Variants in TMEM150B observed in about 807,000 individuals in gnomAD.
The protein encoded by TMEM150B is modulator of macroautophagy TMEM150B.
Under a neutral mutation model 25.2 loss-of-function variants are expected in TMEM150B, and 33 were observed. The ratio of observed to expected loss-of-function variants is 1.31; its 90% CI spans 0.99 to 1.75. TMEM150B has a LOEUF of 1.75. Ranked by LOEUF, TMEM150B falls within the 40% of genes most tolerant of loss-of-function variation. The pLI is 0.00. For missense variants in TMEM150B, 322 were observed against 306.1 expected (o/e 1.05, Z -0.39); for synonymous variants, 133 against 134.8 (o/e 0.99, Z 0.09).
At chr19:55,311,857 G>A (rs2088805288), downstream of TMEM150B, 1 of 1,585,354 alleles carries the variant, frequency 6.3e-7, no homozygotes, top group South Asian at 1.1e-5. Context: ...CCTGGTAATG[G>A]GAACCCCAAC....
intron 6 of TMEM150B, chr19:55,319,800 T>C (rs1040098980): frequency 1.6e-5 from 22 of 1,341,188 alleles, no homozygotes; most frequent in Non-Finnish European, 2.0e-5. Context: ...CAGAAAATTA[T>C]CCCAACGTCC....
rs765416606 is a variant in TMEM150B, at chr19:55,316,886, G to T, written c.405C>A (p.Leu135=). The T allele has an allele frequency of 5.0e-6, 8 of 1,604,822 alleles. No individual in the cohort carries two copies. The Admixed American group carries it at 8.7e-5, about 17-fold the overall frequency. ...GCAGCCTCTTCAGCCTCCACAGGAG[G>T]AGCTGCAGCCAGAAGTAGACGTTAC... ...ILGNVYFWLQ[L]LLWRLKRLPQ... is the part of the protein sequence containing the mutation. Residue 135 remains leucine (L), a synonymous_variant, in exon 7 of 8, where the codon CTC becomes CTA. Transcript: ENST00000326652.
chr19:55,316,842 C>T lies in TMEM150B; in HGVS notation c.449G>A (p.Trp150Ter). The T allele has an allele frequency of 6.3e-7, 1 of 1,586,378 alleles. No individual in the cohort carries two copies. The highest frequency in any genetic ancestry group is 8.5e-7 in the Non-Finnish European group (1 of 1,170,594). The change falls in exon 7 of 8, where the codon TGG becomes TAG. Residue 150 changes from tryptophan to a stop codon, truncating the protein, a stop_gained. Coordinates refer to ENST00000326652, the MANE Select transcript of TMEM150B (RefSeq NM_001282011.2). LOFTEE classifies it high-confidence loss of function. ...LKRLPQPGAAWIGPLRLGLCS... is the reference protein window; with the variant it reads ...LKRLPQPGAA Reference sequence around the variant, plus strand: ...GAGGCCCAGGCGGAGGGGCCCAATCCAGGCAGCCCCGGGCTGGGGCAGCCT... The same window carrying T: ...GAGGCCCAGGCGGAGGGGCCCAATCTAGGCAGCCCCGGGCTGGGGCAGCCT...
chr19:55,310,609 CAG>C (rs982238517), downstream of TMEM150B, among the ~76,000 whole-genome samples: 20 of 152,264 alleles, frequency 1.3e-4, no homozygotes, highest in South Asian at 4.1e-4. The surrounding 1 kb of genome is among the most constrained non-coding windows in gnomAD (Gnocchi z 5.0). Context: ...CTGGGGAAAA[CAG>C]GGGGATGCCA....
chr19:55,316,701 AT>A (rs2089011934), intron 7 of TMEM150B, 84 bp downstream of exon 7: 1 of 1,278,592 alleles, frequency 7.8e-7, no homozygotes, highest in Admixed American at 3.8e-5. Context: ...AGGAAGAGAC[AT>A]CCCCAGTGAC....
At chr19:55,322,483 G>C (rs1269376641) in intron 2 of TMEM150B, among the ~76,000 whole-genome samples, 165 bp downstream of exon 2, 3 of 152,030 alleles carry the variant, frequency 2.0e-5, no homozygotes, top group African/African-American at 7.2e-5. Context: ...CGTCACGGGT[G>C]GGGGTCTGAT....
chr19:55,310,902 A>C (rs922562815), downstream of TMEM150B, among the ~76,000 whole-genome samples: 1 of 151,924 alleles, frequency 6.6e-6, no homozygotes, highest in African/African-American at 2.4e-5. The surrounding 1 kb of genome is among the most constrained non-coding windows in gnomAD (Gnocchi z 5.0). Context: ...CATAAAGGAG[A>C]ATGGGGTGGG....
At chr19:55,311,254 G>A (rs1342879326), downstream of TMEM150B, among the ~76,000 whole-genome samples, 2 of 152,090 alleles carry the variant, frequency 1.3e-5, no homozygotes, top group African/African-American at 2.4e-5. Context: ...GAGCCACTGC[G>A]CCCGGCCCAC....
intron 7 of TMEM150B, 119 bp from the exon 8 acceptor site, chr19:55,313,174 C>T: frequency 9.5e-7 from 1 of 1,054,478 alleles, no homozygotes; most frequent in Non-Finnish European, 1.3e-6. Flanking sequence ...CAGCTCTCCC[C>T]TTCCCCCGTA....
In TMEM150B at chr19:55,316,907, G is replaced by A. The variant is rs375066257; in HGVS notation, c.384C>T (p.Asn128=). 1.9e-4 allele frequency: 301 copies of A among 1,607,554 alleles called. 1 individual carries two copies. The East Asian group carries it at 3.4e-3, about 18-fold the overall frequency. Residue 128 remains asparagine, a synonymous_variant, in exon 7 of 8, where the codon AAC becomes AAT. Transcript: ENST00000326652. The part of the protein sequence containing the change: ...AGAFLAFILG[N]VYFWLQLLLW... ...GGAGGAGCTGCAGCCAGAAGTAGACGTTACCCAAGATGAAGGCAAGGAAGG... is the reference window on the plus strand; with the variant it reads ...GGAGGAGCTGCAGCCAGAAGTAGACATTACCCAAGATGAAGGCAAGGAAGG...
rs745432894 is a variant in TMEM150B, at chr19:55,320,582, A to T, written c.104T>A (p.Leu35His). 1 of 1,613,682 alleles carries T rather than the reference A, an allele frequency of 6.2e-7. No individual in the cohort carries two copies. Among genetic ancestry groups the T allele is most frequent in the Non-Finnish European group, 8.5e-7 (1 of 1,179,920 alleles). ...AIAVTNRTVDLSKGFPYISIC... is the reference protein window; with the variant it reads ...AIAVTNRTVDHSKGFPYISIC... ...CCTGATGTAGGGAAAGCCTTTACTG[A>T]GGTCCACAGTCCTGTTGGTCACTGC... is the stretch of plus-strand genomic sequence containing the variant. Residue 35 changes from leucine to histidine, a missense_variant, in exon 4 of 8, where the codon CTC becomes CAC. By Grantham distance (99) the Leu-to-His change is moderately conservative (BLOSUM62 -3). Coordinates refer to ENST00000326652, the MANE Select transcript of TMEM150B (RefSeq NM_001282011.2).
rs759586403 is a variant in TMEM150B at position 55,316,775 on chromosome 19, A to G, written c.505+11T>C. The G allele has an allele frequency of 1.1e-5, 16 of 1,496,036 alleles. 1 individual carries two copies. The South Asian group carries it at 2.2e-4, about 21-fold the overall frequency. 92.7% of individuals were successfully genotyped at this position (1,496,036 alleles called of 1,614,324 possible). A position where few individuals can be genotyped will look rare whatever the true frequency, so the allele number is the denominator to read the frequency against. Reference sequence around the variant, plus strand: ...CACCTCCAAGCCCTACCCCGGATACAAGAAGGATACTGGCCACAATGAGGA... The same window carrying G: ...CACCTCCAAGCCCTACCCCGGATACGAGAAGGATACTGGCCACAATGAGGA... On this transcript the variant is annotated intron_variant, in intron 7 of 7. Transcript: ENST00000326652.
At chr19:55,320,854 T>A (rs1398993762) in intron 3 of TMEM150B, 115 bp downstream of exon 3, 3 of 1,179,222 alleles carry the variant, frequency 2.5e-6, no homozygotes, top group Admixed American at 3.2e-5. Flanking sequence ...CAGCTCCTCC[T>A]CCCTCAGATC....
In TMEM150B at chr19:55,316,936, C is replaced by A; in HGVS notation, c.355G>T (p.Gly119Trp). 6.2e-7 allele frequency: 1 copy of A among 1,605,666 alleles called. No homozygotes were observed. Residue 119 changes from glycine to tryptophan, a missense_variant, in exon 7 of 8, where the codon GGG becomes TGG. Gly to Trp is a radical substitution (Grantham distance 184). Coordinates refer to ENST00000326652, the MANE Select transcript of TMEM150B (RefSeq NM_001282011.2). Reference protein sequence around the residue: ...EKNQRPTHLAGAFLAFILGNV... With the variant: ...EKNQRPTHLAWAFLAFILGNV... ...CCCAAGATGAAGGCAAGGAAGGCCC[C>A]TGCCAAGTGCGTAGGCCGCTGGTTC... is the stretch of plus-strand genomic sequence containing the variant.
downstream of TMEM150B, chr19:55,311,966 G>A: frequency 6.2e-7 from 1 of 1,601,028 alleles, no homozygotes. Context: ...GAAGCCTGCA[G>A]CCCCCACCCG....
chr19:55,325,060 A>G lies in TMEM150B; in HGVS notation c.-154+212T>C, dbSNP rs578092977. On this transcript the variant is annotated intron_variant, in intron 1 of 7. Transcript: ENST00000326652. ...ACTTCTCTTCCAAAAACATAATAAT[A>G]ATAAAGACGAGAAAGCCCAGGTGAT... 2.0e-5 allele frequency among the ~76,000 whole-genome samples: 3 copies of G among 152,266 alleles called. No individual in the cohort carries two copies. The South Asian group carries it at 6.2e-4, about 32-fold the overall frequency.
In TMEM150B at chr19:55,320,472, A is replaced by T. The variant is rs1247757594; in HGVS notation, c.129-14T>A. 1 of 1,599,682 alleles carries T rather than the reference A, an allele frequency of 6.3e-7. No individual in the cohort carries two copies. The highest frequency in any genetic ancestry group is 8.5e-7 in the Non-Finnish European group (1 of 1,172,100). ...GATCCGCAGATGCTGGGGAAGACAA[A>T]GGGGTCATCCTGGGCAATCCAAGCT... On this transcript the variant is annotated splice_polypyrimidine_tract_variant and intron_variant, in intron 4 of 7. Coordinates refer to ENST00000326652, the MANE Select transcript of TMEM150B (RefSeq NM_001282011.2).
At chr19:55,317,522 G>C (rs2089045576) in intron 6 of TMEM150B, among the ~76,000 whole-genome samples, 1 of 152,090 alleles carries the variant, frequency 6.6e-6, no homozygotes, top group African/African-American at 2.4e-5. Context: ...GCTCACACCT[G>C]TAATCTCAGC....
chr19:55,314,788 T>C (rs1445325419), intron 7 of TMEM150B, among the ~76,000 whole-genome samples: 1 of 152,184 alleles, frequency 6.6e-6, no homozygotes, highest in Non-Finnish European at 1.5e-5. Context: ...CTCTCAACTA[T>C]TTTGTGAAGA....
Sources: gnomAD v4.1 joint callset for allele counts (sites outside exome capture counted in the v4.1 genomes callset) on GRCh38, gnomAD v4.1.1 for gene constraint, Gnocchi (gnomAD v3.1) non-coding constraint, MANE v1.5 for transcripts, NCBI Gene and HGNC (gene_info 2026-07-23, HGNC 2026-07-21) for gene names.